Variants in TTLL9 observed in about 807,000 individuals in gnomAD.
The protein encoded by TTLL9 is tubulin tyrosine ligase like 9.
In TTLL9, 47 loss-of-function variants were observed where a neutral mutation model predicts 65.6. The observed-to-expected ratio is 0.72, with a 90% confidence interval of 0.57 to 0.91. TTLL9 has a LOEUF of 0.91. Among genes scored for constraint, TTLL9 ranks in the 40% least tolerant of loss-of-function variants. The pLI, the probability that TTLL9 is intolerant of heterozygous loss-of-function variation, is 0.00. For missense variants in TTLL9, 537 were observed against 568.8 expected (o/e 0.94, Z 0.57); for synonymous variants, 179 against 204.8 (o/e 0.87, Z 1.07).
rs892374670 is a variant in TTLL9 at position 31,906,033 on chromosome 20, C to CAAA, written c.207-2538_207-2536dup. Among the ~76,000 whole-genome samples the CAAA allele has an allele frequency of 7.9e-3, 375 of 47,584 alleles. 2 individuals are homozygous for CAAA. The highest frequency in any genetic ancestry group is 0.028 in the African/African-American group (350 of 12,436). The allele number at this position is 47,584 out of a possible 152,430, so 31.2% of individuals were successfully genotyped here. The stretch of plus-strand genomic sequence containing the variant: ...GGGCAACAAGAGTGAAATTTCATCT[C>CAAA]AAAAAAAAAAAAAAAAAAAAAAGGA... On this transcript the variant is annotated intron_variant, in intron 4 of 14. Coordinates refer to ENST00000535842, the MANE Select transcript of TTLL9 (RefSeq NM_001008409.5).
chr20:31,906,100 A>C (rs2123490775), intron 4 of TTLL9, among the ~76,000 whole-genome samples: 1 of 152,084 alleles, frequency 6.6e-6, no homozygotes, highest in East Asian at 1.9e-4. Context: ...CACAAGGCCC[A>C]ACTGCTTGGC....
Position 31,944,113 on chromosome 20 carries a change from G to C in TTLL9, c.*1092G>C, listed in dbSNP as rs1273587331. On this transcript the variant is annotated 3_prime_UTR_variant, in exon 15 of 15. Transcript: ENST00000535842. ...CGACTTTAGGAAAGCCAGAAGCCAGGCTACTCTAGACCTTCTGCCTTCAGA... is the reference window on the plus strand; with the variant it reads ...CGACTTTAGGAAAGCCAGAAGCCAGCCTACTCTAGACCTTCTGCCTTCAGA... The C allele has an allele frequency of 3.0e-6, 1 of 329,078 alleles. No individual in the cohort carries two copies. The highest frequency in any genetic ancestry group is 6.0e-6 in the Non-Finnish European group (1 of 165,444). 20.4% of individuals were successfully genotyped at this position (329,078 alleles called of 1,614,324 possible).
intron 6 of TTLL9, among the ~76,000 whole-genome samples, chr20:31,911,547 C>A (rs1013835251): frequency 1.3e-5 from 2 of 152,176 alleles, no homozygotes; most frequent in African/African-American, 4.8e-5. Flanking sequence ...CAGGTTCTTC[C>A]CCTGGCCCAT....
Position 31,943,205 on chromosome 20 carries a change from C to G in TTLL9, c.*184C>G. On this transcript the variant is annotated 3_prime_UTR_variant, in exon 15 of 15. Transcript: ENST00000535842. The stretch of plus-strand genomic sequence containing the variant: ...GCCCCTTGGATACCTCCAGCCCATC[C>G]CCAGGCATCTTTGCACCAGGAGACA... 1.6e-6 allele frequency: 1 copy of G among 620,518 alleles called. No homozygotes were observed. The highest frequency in any genetic ancestry group is 2.9e-6 in the Non-Finnish European group (1 of 347,158). 38.4% of individuals were successfully genotyped at this position (620,518 alleles called of 1,614,324 possible). A position where few individuals can be genotyped will look rare whatever the true frequency, so the allele number is the denominator to read the frequency against.
chr20:31,902,168 T>C (rs906976944), intron 4 of TTLL9, among the ~76,000 whole-genome samples: 2 of 152,152 alleles, frequency 1.3e-5, no homozygotes, highest in African/African-American at 4.8e-5. Context: ...CAGAACATTT[T>C]CATCATCTCA....
intron 10 of TTLL9, among the ~76,000 whole-genome samples, chr20:31,930,050 C>T (rs1044030954): frequency 4.6e-5 from 7 of 152,146 alleles, no homozygotes; most frequent in Admixed American, 3.3e-4. Context: ...ATCACTTGAA[C>T]CCGGGAGGTG....
chr20:31,871,027 A>G, intron 1 of TTLL9, 78 bp downstream of exon 1: 1 of 1,197,400 alleles, frequency 8.4e-7, no homozygotes, highest in Non-Finnish European at 1.2e-6. Flanking sequence ...TTTCCCATCC[A>G]TTCTCCCACC....
intron 12 of TTLL9, among the ~76,000 whole-genome samples, chr20:31,936,764 C>G (rs539133237): frequency 7.9e-5 from 12 of 152,328 alleles, no homozygotes; most frequent in Non-Finnish European, 1.5e-4. Flanking sequence ...ACCACGAAAG[C>G]ACCATAATCA....
At chr20:31,938,200 TC>T (rs1246981773) in intron 13 of TTLL9, 1 of 456,712 alleles carries the variant, frequency 2.2e-6, no homozygotes, top group Non-Finnish European at 4.4e-6. Context: ...GGGCTGATTC[TC>T]CTTGCTGGTA....
chr20:31,907,406 CAT>C lies in TTLL9; in HGVS notation c.207-1179_207-1178del, dbSNP rs1209591819. On this transcript the variant is annotated intron_variant, in intron 4 of 14. Coordinates refer to ENST00000535842, the MANE Select transcript of TTLL9 (RefSeq NM_001008409.5). ...ATGTGCCATGATGCATGGATACACA[CAT>C]ATATACATGATGAAACTATAAAGCC... Among the ~76,000 whole-genome samples, 5 of 152,148 alleles carry C rather than the reference CAT, an allele frequency of 3.3e-5. No individual in the cohort carries two copies. In the East Asian group the frequency reaches 9.6e-4, roughly 29 times the overall value.
chr20:31,901,446 T>A (rs2063478949), intron 4 of TTLL9: 1 of 152,176 alleles, frequency 6.6e-6, no homozygotes, highest in Non-Finnish European at 1.5e-5. Context: ...TAAGAGGCAA[T>A]TTGATGTCTT....
intron 2 of TTLL9, among the ~76,000 whole-genome samples, chr20:31,873,817 G>GAAAGAAAGAAAGAAA (rs2062990448): frequency 9.7e-5 from 8 of 82,174 alleles, no homozygotes; most frequent in African/African-American, 3.2e-4. Flanking sequence ...AGGAAGGAAG[G>GAAAGAAAGAAAGAAA]AAGGAAGAAA....
chr20:31,944,796 AC>A lies in TTLL9; in HGVS notation c.*1777del, dbSNP rs1301011385. On this transcript the variant is annotated 3_prime_UTR_variant, in exon 15 of 15. Coordinates refer to ENST00000535842, the MANE Select transcript of TTLL9 (RefSeq NM_001008409.5). ...TGAGCCAGAGCCAAGGAGCGGGGGG[AC>A]CAGGAGAGGTGTGCCCCTGCCATGC... 6.6e-6 allele frequency: 1 copy of A among 152,102 alleles called. No individual in the cohort carries two copies. The highest frequency in any genetic ancestry group is 1.5e-5 in the Non-Finnish European group (1 of 68,044). 9.4% of individuals were successfully genotyped at this position (152,102 alleles called of 1,614,324 possible).
intron 3 of TTLL9, among the ~76,000 whole-genome samples, chr20:31,890,030 CTT>C (rs1394111173): frequency 2.1e-5 from 3 of 139,760 alleles, no homozygotes; most frequent in African/African-American, 8.3e-5. Flanking sequence ...TTCTTTCTTT[CTT>C]TCCTTCCTTC....
intron 3 of TTLL9, among the ~76,000 whole-genome samples, chr20:31,890,006 CTTTCTTT>C (rs939099624): frequency 2.9e-5 from 4 of 139,564 alleles, no homozygotes; most frequent in African/African-American, 1.2e-4. Flanking sequence ...TTCTTTCTTT[CTTTCTTT>C]CTTTCTTTCT....
intron 8 of TTLL9, among the ~76,000 whole-genome samples, chr20:31,923,970 G>A (rs1316536451): frequency 6.6e-6 from 1 of 152,016 alleles, no homozygotes; most frequent in African/African-American, 2.4e-5. Flanking sequence ...TTGGGCATCT[G>A]CCAACCACTC....
intron 3 of TTLL9, among the ~76,000 whole-genome samples, chr20:31,895,160 G>T (rs768967614): frequency 6.6e-6 from 1 of 152,184 alleles, no homozygotes; most frequent in Non-Finnish European, 1.5e-5. Flanking sequence ...TGAGAACAAA[G>T]GAAAAGTTTA....
intron 3 of TTLL9, among the ~76,000 whole-genome samples, chr20:31,894,760 T>G (rs554406622): frequency 2.0e-5 from 3 of 151,244 alleles, no homozygotes; most frequent in Non-Finnish European, 4.4e-5. Context: ...TACACACACT[T>G]TATAGAGTAT....
rs181126627 is a variant in TTLL9 at position 31,892,289 on chromosome 20, C to T, written c.113+5050C>T. 1.9e-3 allele frequency among the ~76,000 whole-genome samples: 292 copies of T among 151,726 alleles called. 1 individual carries two copies. The highest frequency in any genetic ancestry group is 6.7e-3 in the African/African-American group (278 of 41,320). On this transcript the variant is annotated intron_variant, in intron 3 of 14. Coordinates refer to ENST00000535842, the MANE Select transcript of TTLL9 (RefSeq NM_001008409.5). ...CTGCCTCCTGGGTTCAAGTGATTCT[C>T]GTGCCTCAGCCTCCCAAGTAGCTGG...
Sources: allele counts gnomAD v4.1 joint callset (sites outside exome capture counted in the v4.1 genomes callset), GRCh38; gene constraint gnomAD v4.1.1; transcripts MANE v1.5; gene names NCBI Gene and HGNC (gene_info 2026-07-23, HGNC 2026-07-21).